FAM228B: variants seen among roughly 807,000 people sequenced by gnomAD.
FAM228B encodes the protein protein FAM228B.
A neutral mutation model predicts 42.6 loss-of-function variants in FAM228B; 38 were observed. That is an observed-to-expected ratio of 0.89 (90% confidence interval 0.69 to 1.17). FAM228B has a LOEUF of 1.17. Ranked by LOEUF, FAM228B falls within the 50% of genes most tolerant of loss-of-function variation. The probability of loss-of-function intolerance (pLI) is 0.00; values close to 1 mark genes in which losing one functional copy is unlikely to be tolerated. For missense variants in FAM228B, 344 were observed against 367.3 expected (o/e 0.94, Z 0.52); for synonymous variants, 109 against 122.3 (o/e 0.89, Z 0.72).
chr2:24,129,077 C>T (rs1666383977), intron 2 of FAM228B, among the ~76,000 whole-genome samples: 1 of 152,090 alleles, frequency 6.6e-6, no homozygotes, highest in African/African-American at 2.4e-5. Context: ...CTCAAGGGGA[C>T]CTCTGCGGTT....
chr2:24,098,526 A>G (rs1400628924), intron 3 of FAM228B, among the ~76,000 whole-genome samples: 1 of 152,222 alleles, frequency 6.6e-6, no homozygotes, highest in Non-Finnish European at 1.5e-5. Flanking sequence ...AAACTAGAAA[A>G]TCTAGAAGAA....
At chr2:24,127,665 A>C (rs1192468791) in intron 2 of FAM228B, among the ~76,000 whole-genome samples, 5 of 149,184 alleles carry the variant, frequency 3.4e-5, no homozygotes, top group South Asian at 2.1e-4. Context: ...TTCAGCCATT[A>C]TTTCTTTTTT....
At chr2:24,112,296 C>CTTTTTTTTTTTT (rs397984067) in intron 3 of FAM228B, among the ~76,000 whole-genome samples, 1 of 95,746 alleles carries the variant, frequency 1.0e-5, no homozygotes, top group Non-Finnish European at 2.1e-5. Context: ...AAGCTTTCAT[C>CTTTTTTTTTTTT]TTTTTTTTTT....
rs139810299 is a variant in FAM228B, at chr2:24,116,711, C to T, written c.-120-18408C>T. On this transcript the variant is annotated intron_variant, in intron 3 of 10. Transcript: ENST00000613899. ...CTCTACTAAAAATACAAACATTAGC[C>T]TGTGTGGTGGCAGGCACCTGTAGTC... 3.7e-4 allele frequency among the ~76,000 whole-genome samples: 55 copies of T among 150,634 alleles called. 3 individuals carry two copies. In the East Asian group the frequency reaches 0.011, roughly 29 times the overall value.
chr2:24,155,527 ATATATTTTTTT>A (rs1367801066), intron 7 of FAM228B, among the ~76,000 whole-genome samples: 1,191 of 18,668 alleles, frequency 0.064, 4 homozygotes, highest in Admixed American at 0.099. Flanking sequence ...ATATATATAT[ATATATTTTTTT>A]TTTTTTTTTT....
intron 10 of FAM228B, 161 bp downstream of exon 10, chr2:24,167,844 T>A: frequency 1.2e-6 from 1 of 805,110 alleles, no homozygotes; most frequent in Non-Finnish European, 1.9e-6. Context: ...ATGATCTATT[T>A]CAGTGTAAGG....
At chr2:24,086,159 C>T (rs1337968118) in intron 2 of FAM228B, among the ~76,000 whole-genome samples, 2 of 141,948 alleles carry the variant, frequency 1.4e-5, no homozygotes, top group Non-Finnish European at 3.0e-5. Context: ...GGCGTGAACC[C>T]GGGAGGGGGA....
intron 2 of FAM228B, among the ~76,000 whole-genome samples, chr2:24,126,650 G>T (rs564001753): frequency 2.0e-4 from 29 of 146,358 alleles, no homozygotes; most frequent in African/African-American, 6.9e-4. Flanking sequence ...TTGCTCTGTC[G>T]CCCAGACTGG....
chr2:24,085,619 G>A (rs1412299807), intron 2 of FAM228B: 1 of 152,144 alleles, frequency 6.6e-6, no homozygotes, highest in Non-Finnish European at 1.5e-5. Flanking sequence ...TGTTAGGTCA[G>A]TTTAGATAGA....
intron 7 of FAM228B, among the ~76,000 whole-genome samples, chr2:24,159,336 G>A (rs762029421): frequency 6.6e-6 from 1 of 152,088 alleles, no homozygotes; most frequent in Non-Finnish European, 1.5e-5. Flanking sequence ...ATTCACAATC[G>A]AATAGAGAAG....
chr2:24,119,921 A>G (rs1243761718), upstream of FAM228B, among the ~76,000 whole-genome samples: 1 of 152,170 alleles, frequency 6.6e-6, no homozygotes, highest in Non-Finnish European at 1.5e-5. Flanking sequence ...ATAATGGTAG[A>G]TGGATTTTGA....
chr2:24,102,784 C>T lies in FAM228B; in HGVS notation c.-121+7555C>T, dbSNP rs547562264. ...AATAAATGTATTTTCATTAACATAT[C>T]GGAGCTGCAGACTTAACTCATTTAT... On this transcript the variant is annotated intron_variant, in intron 3 of 10. Transcript: ENST00000613899. 3.3e-5 allele frequency among the ~76,000 whole-genome samples: 5 copies of T among 152,204 alleles called. No individual in the cohort carries two copies. In the East Asian group the frequency reaches 9.6e-4, roughly 29 times the overall value.
intron 3 of FAM228B, 109 bp downstream of exon 3, chr2:24,135,296 T>G: frequency 3.1e-6 from 2 of 650,274 alleles, no homozygotes; most frequent in Admixed American, 7.1e-5. Flanking sequence ...AAAAAAGAAT[T>G]AAAAGAACAC....
chr2:24,111,958 A>G lies in FAM228B; in HGVS notation c.-121+16729A>G, dbSNP rs146427880. On this transcript the variant is annotated intron_variant, in intron 3 of 10. Transcript: ENST00000613899. ...ACTCCAGAGAGCCATAAACTTGCTC[A>G]AATTCTGACCCTGAAATTCCACTTC... Among the ~76,000 whole-genome samples the G allele has an allele frequency of 3.2e-4, 48 of 152,352 alleles. No individual in the cohort carries two copies. In the East Asian group the frequency reaches 6.5e-3, roughly 21 times the overall value.
intron 7 of FAM228B, 90 bp downstream of exon 7, chr2:24,147,176 T>A (rs1666916130): frequency 4.3e-6 from 4 of 933,278 alleles, no homozygotes; most frequent in Non-Finnish European, 6.0e-6. Context: ...TATGATTTTT[T>A]AAAATTATCA....
rs1391756153 is a variant in FAM228B, at chr2:24,080,228, G to A, written c.-289-648G>A. On this transcript the variant is annotated intron_variant, in intron 1 of 10. Transcript: ENST00000613899. This position sits in a 1 kb window ranked among gnomAD's most constrained non-coding sequence, Gnocchi z 4.7. ...AAAAATTAGCTGGGCGTGGTGGTGC[G>A]CCTGTGATCTCAGCTACTCAGGAGG... 1.3e-5 allele frequency among the ~76,000 whole-genome samples: 2 copies of A among 151,910 alleles called. No individual in the cohort carries two copies. The highest frequency in any genetic ancestry group is 4.8e-5 in the African/African-American group (2 of 41,336).
At chr2:24,149,677 C>T (rs1666980767) in intron 7 of FAM228B, among the ~76,000 whole-genome samples, 2 of 152,178 alleles carry the variant, frequency 1.3e-5, no homozygotes, top group South Asian at 4.1e-4. Flanking sequence ...AGGTGATCCA[C>T]CCACTTCAGC....
rs550461750 is a variant in FAM228B, at chr2:24,167,736, C to T, written c.*14+53C>T. 3.2e-6 allele frequency: 5 copies of T among 1,542,404 alleles called. No homozygotes were observed. In the African/African-American group the frequency reaches 4.1e-5, roughly 13 times the overall value. ...ACTCTCCTATTCCTTACCCCTGTTT[C>T]TTGCCACTGTGATTTCTGATATCTT... On this transcript the variant is annotated intron_variant, in intron 10 of 10. Transcript: ENST00000615575.
chr2:24,161,603 G>A lies in FAM228B; in HGVS notation c.784G>A (p.Val262Ile). ...GGAATCCCAGGAAGAAGAAAAAACA[G>A]TTATTTACAAGTAAGTCTGTTCTTC... ...LLESQEEEKT[V>I]IYKNKGSSFL... Residue 262 changes from valine to isoleucine, a missense_variant, in exon 8 of 11, where the codon GTT becomes ATT. Val to Ile is a conservative substitution (Grantham distance 29, BLOSUM62 3). Coordinates refer to ENST00000615575, the MANE Select transcript of FAM228B (RefSeq NM_001145710.2). 1 of 1,530,632 alleles carries A rather than the reference G, an allele frequency of 6.5e-7. No homozygotes were observed. The highest frequency in any genetic ancestry group is 2.5e-5 in the East Asian group (1 of 40,802). The allele number at this position is 1,530,632 out of a possible 1,614,324, so 94.8% of individuals were successfully genotyped here. A position where few individuals can be genotyped will look rare whatever the true frequency, so the allele number is the denominator to read the frequency against.
Sources: gnomAD v4.1 joint callset for allele counts (sites outside exome capture counted in the v4.1 genomes callset) on GRCh38, gnomAD v4.1.1 for gene constraint, Gnocchi (gnomAD v3.1) non-coding constraint, MANE v1.5 for transcripts, NCBI Gene and HGNC (gene_info 2026-07-23, HGNC 2026-07-21) for gene names.